The following RALYL variants were observed in gnomAD, a reference collection of about 807,000 sequenced individuals.
RALYL encodes the protein RNA-binding Raly-like protein.
In RALYL, 29 loss-of-function variants were observed where a neutral mutation model predicts 35.1. That is an observed-to-expected ratio of 0.83 (90% CI 0.61 to 1.13). The LOEUF is 1.13. Among genes scored for constraint, RALYL ranks in the 50% most tolerant of loss-of-function variants. RALYL has a pLI of 0.00. For synonymous variants in RALYL, 120 were observed against 127.6 expected, an observed-to-expected ratio of 0.94 and a Z score of 0.40; for missense variants, 359 against 360.4, an observed-to-expected ratio of 1.00 and a Z score of 0.03.
At chr8:84,555,709 A>T (rs1156652195) in intron 2 of RALYL, among the ~76,000 whole-genome samples, 2 of 152,218 alleles carry the variant, frequency 1.3e-5, no homozygotes, top group Non-Finnish European at 1.5e-5. Context: ...TTTGCCACTT[A>T]ACATATGCTA....
intron 4 of RALYL, among the ~76,000 whole-genome samples, chr8:84,807,179 A>G (rs1330715255): frequency 6.6e-6 from 1 of 152,004 alleles, no homozygotes; most frequent in Non-Finnish European, 1.5e-5. Flanking sequence ...TTCCCACCCA[A>G]CCAAGTCCCC....
intron 5 of RALYL, among the ~76,000 whole-genome samples, chr8:84,861,166 A>G (rs974579150): frequency 6.6e-6 from 1 of 152,168 alleles, no homozygotes; most frequent in African/African-American, 2.4e-5. Flanking sequence ...GTAATCCAAT[A>G]TTTTATTCTG....
At chr8:84,623,948 G>A (rs890729111) in intron 2 of RALYL, among the ~76,000 whole-genome samples, 2 of 152,190 alleles carry the variant, frequency 1.3e-5, no homozygotes, top group Non-Finnish European at 2.9e-5. Flanking sequence ...CTGATAGTGG[G>A]AGATGAGATA....
chr8:84,483,862 G>A (rs1339860166), intron 1 of RALYL, among the ~76,000 whole-genome samples: 1 of 151,964 alleles, frequency 6.6e-6, no homozygotes, highest in Non-Finnish European at 1.5e-5. Context: ...TTCACATCTT[G>A]TTTTATTCAT....
At chr8:84,732,813 C>A (rs1846498232) in intron 2 of RALYL, among the ~76,000 whole-genome samples, 1 of 151,730 alleles carries the variant, frequency 6.6e-6, no homozygotes, top group African/African-American at 2.4e-5. Flanking sequence ...TCTCCTGTCT[C>A]AGCCTCCCGA....
At chr8:84,716,536 C>T (rs1842965900) in intron 2 of RALYL, among the ~76,000 whole-genome samples, 1 of 152,104 alleles carries the variant, frequency 6.6e-6, no homozygotes, top group African/African-American at 2.4e-5. Context: ...AAATTTTTCT[C>T]AGCACTGAAC....
intron 2 of RALYL, among the ~76,000 whole-genome samples, chr8:84,656,372 T>G (rs561909470): frequency 1.3e-5 from 2 of 152,228 alleles, no homozygotes; most frequent in African/African-American, 4.8e-5. Flanking sequence ...GGTTTTCTAC[T>G]TATAGGAATA....
At chr8:84,553,962 C>T (rs568699307) in intron 2 of RALYL, among the ~76,000 whole-genome samples, 2 of 152,226 alleles carry the variant, frequency 1.3e-5, no homozygotes, top group Non-Finnish European at 1.5e-5. Flanking sequence ...TTTTCAAATA[C>T]TTTAGAATAC....
chr8:84,645,557 ATATAT>A (rs1438586328), intron 2 of RALYL, among the ~76,000 whole-genome samples: 1 of 151,902 alleles, frequency 6.6e-6, no homozygotes. Flanking sequence ...TTTTGTGAGA[ATATAT>A]TATGTTTACA....
At chr8:84,744,651 C>G (rs984373747) in intron 2 of RALYL, among the ~76,000 whole-genome samples, 3 of 151,954 alleles carry the variant, frequency 2.0e-5, no homozygotes, top group African/African-American at 4.8e-5. Flanking sequence ...CTAAACTACT[C>G]ACAAAAAGAC....
At chr8:84,588,954 A>G (rs540996510) in intron 2 of RALYL, among the ~76,000 whole-genome samples, 194 of 151,990 alleles carry the variant, frequency 1.3e-3, no homozygotes, top group African/African-American at 4.4e-3. Flanking sequence ...GTGGAGTGCA[A>G]TGGCATGATC....
chr8:84,493,631 G>A (rs182261804), intron 1 of RALYL, among the ~76,000 whole-genome samples: 11 of 152,096 alleles, frequency 7.2e-5, no homozygotes, highest in Admixed American at 5.9e-4. Flanking sequence ...ATGGTATCTC[G>A]TTGTGGTTTT....
At chr8:84,251,931 TTTTG>T (rs79697924) in intron 1 of RALYL, among the ~76,000 whole-genome samples, 8,934 of 152,070 alleles carry the variant, frequency 0.059, 374 homozygotes, top group Non-Finnish European at 0.089. Flanking sequence ...CATTTTAGTT[TTTTG>T]TTTGTTTGTT....
intron 2 of RALYL, among the ~76,000 whole-genome samples, chr8:84,771,201 TG>T (rs1815401765): frequency 6.6e-6 from 1 of 152,168 alleles, no homozygotes; most frequent in South Asian, 2.1e-4. Context: ...ATATTTCCTA[TG>T]GCCCTAATTC....
At chr8:84,442,332 G>A (rs1412035202) in intron 1 of RALYL, among the ~76,000 whole-genome samples, 1 of 152,110 alleles carries the variant, frequency 6.6e-6, no homozygotes, top group Non-Finnish European at 1.5e-5. Flanking sequence ...GTTAGCACTT[G>A]CAATTTGATT....
In RALYL at chr8:84,210,954, G is replaced by A. The variant is rs187220247; in HGVS notation, c.-24+26530G>A. ...TTATATAATTATAGTGAATAATAATGCAGTTTTCTATAATGTTTAAATATT... is the reference window on the plus strand; with the variant it reads ...TTATATAATTATAGTGAATAATAATACAGTTTTCTATAATGTTTAAATATT... On this transcript the variant is annotated intron_variant, in intron 1 of 8. Transcript: ENST00000521268. Among the ~76,000 whole-genome samples the A allele has an allele frequency of 9.3e-3, 1,420 of 152,118 alleles. 28 individuals carry two copies. The highest frequency in any genetic ancestry group is 0.048 in the South Asian group (233 of 4,822).
chr8:84,670,427 T>C (rs1832981618), intron 2 of RALYL, among the ~76,000 whole-genome samples: 1 of 152,182 alleles, frequency 6.6e-6, no homozygotes, highest in African/African-American at 2.4e-5. Context: ...AAAGTGATGA[T>C]TATAAAAATT....
intron 1 of RALYL, among the ~76,000 whole-genome samples, chr8:84,474,900 G>GGTTT (rs926826190): frequency 2.9e-5 from 2 of 69,556 alleles, no homozygotes; most frequent in Non-Finnish European, 5.2e-5. Flanking sequence ...CACCCTTTTT[G>GGTTT]GTTTGTTTGT....
chr8:84,318,428 C>T (rs904517324), intron 1 of RALYL, among the ~76,000 whole-genome samples: 5 of 152,220 alleles, frequency 3.3e-5, no homozygotes, highest in Non-Finnish European at 7.3e-5. Flanking sequence ...CTTTCACTGA[C>T]TCTCTTTTAT....
Sources: gnomAD v4.1 joint callset for allele counts (sites outside exome capture counted in the v4.1 genomes callset) on GRCh38, gnomAD v4.1.1 for gene constraint, MANE v1.5 for transcripts, NCBI Gene and HGNC (gene_info 2026-07-23, HGNC 2026-07-21) for gene names.